Variants in REPS2 observed in about 807,000 individuals in gnomAD.
The protein encoded by REPS2 is ralBP1-associated Eps domain-containing protein 2.
A neutral mutation model predicts 53.6 loss-of-function variants in REPS2; 23 were observed. That is an observed-to-expected ratio of 0.43 (90% CI 0.31 to 0.61). REPS2 has a LOEUF of 0.61. Among genes scored for constraint, REPS2 ranks in the 20% least tolerant of loss-of-function variants. The pLI, the probability that REPS2 is intolerant of heterozygous loss-of-function variation, is 0.11. For missense variants in REPS2, 446 were observed against 534.9 expected, an observed-to-expected ratio of 0.83 and a Z score of 1.64; for synonymous variants, 238 against 218.6, an observed-to-expected ratio of 1.09 and a Z score of -0.78.
intron 13 of REPS2, among the ~76,000 whole-genome samples, chrX:17,084,631 AT>A (rs777296662): frequency 3.6e-5 from 4 of 111,905 alleles, no homozygotes; most frequent in Non-Finnish European, 7.5e-5. Flanking sequence ...TTTGATTTGC[AT>A]TTTCTAATGG....
intron 14 of REPS2, among the ~76,000 whole-genome samples, chrX:17,132,655 A>T (rs1401830060): frequency 2.7e-5 from 3 of 112,499 alleles, no homozygotes; most frequent in Non-Finnish European, 5.6e-5. Flanking sequence ...CTCTTGCCTC[A>T]GCCTCCTGAG....
chrX:17,018,420 C>T (rs1295032643), intron 2 of REPS2, among the ~76,000 whole-genome samples: 5 of 109,880 alleles, frequency 4.6e-5, no homozygotes, highest in Non-Finnish European at 9.5e-5. Context: ...AACTCCTGGC[C>T]TCAAGTGATC....
chrX:17,154,234 T>A, downstream of REPS2, among the ~76,000 whole-genome samples: 1 of 112,281 alleles, frequency 8.9e-6, no homozygotes, highest in Middle Eastern at 4.6e-3. Flanking sequence ...GAGCAAAGGC[T>A]AATTGTGTTT....
intron 14 of REPS2, 66 bp downstream of exon 14, chrX:17,103,845 C>A: frequency 9.8e-7 from 1 of 1,016,281 alleles, no homozygotes; most frequent in Non-Finnish European, 1.4e-6. Context: ...CGCTGTGCTT[C>A]TTTGCAAGGG....
rs764037772 is a variant in REPS2, at chrX:17,025,122, C to G, written c.610C>G (p.Gln204Glu). ...ASPPSSPPHYQRVPLSHGYSK... is the reference protein window; with the variant it reads ...ASPPSSPPHYERVPLSHGYSK... ...CCCTCCTTCTTCCCCGCCTCATTAC[C>G]AGAGGGTGCCCTTGAGCCATGGCTA... The change falls in exon 4 of 18, where the codon CAG becomes GAG. Residue 204 changes from glutamine to glutamate, a missense_variant. Coordinates refer to ENST00000357277, the MANE Select transcript of REPS2 (RefSeq NM_004726.3). 21 of 1,211,718 alleles carry G rather than the reference C, an allele frequency of 1.7e-5. No homozygotes were observed. The highest frequency in any genetic ancestry group is 2.3e-5 in the Non-Finnish European group (21 of 895,430).
At chrX:17,043,569 G>A (rs1299436739) in intron 5 of REPS2, among the ~76,000 whole-genome samples, 1 of 108,862 alleles carries the variant, frequency 9.2e-6, no homozygotes, top group African/African-American at 3.3e-5. Context: ...GCTTGGTTCT[G>A]GCGCCCTCAT....
chrX:17,194,117 T>A, the REPS2 span, among the ~76,000 whole-genome samples: 1 of 111,947 alleles, frequency 8.9e-6, no homozygotes, highest in Non-Finnish European at 1.9e-5. Flanking sequence ...GTATGAATTC[T>A]AACCTGCTAC....
intron 1 of REPS2, among the ~76,000 whole-genome samples, chrX:16,992,089 T>C (rs1224002224): frequency 9.0e-6 from 1 of 111,723 alleles, no homozygotes; most frequent in Non-Finnish European, 1.9e-5. Flanking sequence ...AATATTTGTG[T>C]CTCCCCCAAA....
intron 1 of REPS2, among the ~76,000 whole-genome samples, chrX:16,965,320 C>A (rs1415463522): frequency 9.0e-6 from 1 of 111,012 alleles, no homozygotes; most frequent in African/African-American, 3.3e-5. Context: ...GGGGGCTGAC[C>A]CCCCCACCTC....
intron 2 of REPS2, among the ~76,000 whole-genome samples, chrX:17,008,784 C>A (rs1382631499): frequency 1.8e-5 from 2 of 111,373 alleles, no homozygotes; most frequent in African/African-American, 6.5e-5. Context: ...AAAGGCTGTG[C>A]TAGCCCTGTC....
At chrX:17,091,781 T>A (rs1298800772) in intron 13 of REPS2, among the ~76,000 whole-genome samples, 1 of 111,805 alleles carries the variant, frequency 8.9e-6, no homozygotes, top group Admixed American at 9.5e-5. Context: ...TCAAGAGATA[T>A]GTATAAGGTC....
chrX:17,132,911 A>G (rs2063313493), intron 14 of REPS2, among the ~76,000 whole-genome samples: 1 of 112,548 alleles, frequency 8.9e-6, no homozygotes, highest in Non-Finnish European at 1.9e-5. Context: ...TGCTAACAAC[A>G]TGGCTTAAAA....
At chrX:17,022,826 G>A (rs2061592841) in intron 3 of REPS2, among the ~76,000 whole-genome samples, 1 of 111,991 alleles carries the variant, frequency 8.9e-6, no homozygotes, top group Non-Finnish European at 1.9e-5. Context: ...TCTTTCTTGG[G>A]GAACATATTT....
chrX:17,116,546 T>C (rs1415340572), intron 14 of REPS2, among the ~76,000 whole-genome samples: 1 of 112,024 alleles, frequency 8.9e-6, no homozygotes, highest in East Asian at 2.8e-4. Context: ...TTTCTGGGCT[T>C]GCTCTGGATG....
chrX:17,098,731 T>A (rs188918394), intron 13 of REPS2, among the ~76,000 whole-genome samples: 2 of 111,350 alleles, frequency 1.8e-5, no homozygotes, highest in South Asian at 7.6e-4. Flanking sequence ...AAACTTGTGC[T>A]GTCAGTGACT....
At chrX:17,135,498 A>G (rs776232151) in intron 16 of REPS2, 92 bp downstream of exon 16, 62 of 983,559 alleles carry the variant, frequency 6.3e-5, no homozygotes, top group Non-Finnish European at 7.9e-5. Flanking sequence ...GTGCGCACCA[A>G]CAGAAGGATT....
chrX:16,966,429 G>A (rs1344296982), intron 1 of REPS2, among the ~76,000 whole-genome samples: 1 of 112,042 alleles, frequency 8.9e-6, no homozygotes, highest in Non-Finnish European at 1.9e-5. Context: ...GAATATTTGC[G>A]TTTACATAAT....
Position 16,983,827 on chromosome X carries a change from A to G in REPS2, c.274-22394A>G, listed in dbSNP as rs111886330. Among the ~76,000 whole-genome samples, 614 of 112,453 alleles carry G rather than the reference A, an allele frequency of 5.5e-3. 5 individuals are homozygous for G. The highest frequency in any genetic ancestry group is 0.019 in the African/African-American group (590 of 31,032). Reference sequence around the variant, plus strand: ...GCCCTCCATTTTGTTTTTGATGAAGACATTGAGGCACTGAAGTTAAGTAAT... The same window carrying G: ...GCCCTCCATTTTGTTTTTGATGAAGGCATTGAGGCACTGAAGTTAAGTAAT... On this transcript the variant is annotated intron_variant, in intron 1 of 17. Coordinates refer to ENST00000357277, the MANE Select transcript of REPS2 (RefSeq NM_004726.3).
intron 1 of REPS2, among the ~76,000 whole-genome samples, chrX:16,966,108 G>A (rs2060763914): frequency 8.9e-6 from 1 of 112,405 alleles, no homozygotes; most frequent in South Asian, 3.6e-4. Context: ...TGGAAAGAGA[G>A]GGAGAGGGAG....
Sources: gnomAD v4.1 joint callset for allele counts (sites outside exome capture counted in the v4.1 genomes callset) on GRCh38, gnomAD v4.1.1 for gene constraint, MANE v1.5 for transcripts, NCBI Gene and HGNC (gene_info 2026-07-23, HGNC 2026-07-21) for gene names.